The following MYOC variants were observed in gnomAD, a reference collection of about 807,000 sequenced individuals.
MYOC encodes juvenile-onset open-angle glaucoma 1.
In MYOC, 29 loss-of-function variants were observed where a neutral mutation model predicts 28.2. That is an observed-to-expected ratio of 1.03 (90% confidence interval 0.77 to 1.40). The LOEUF is 1.40. Ranked by LOEUF, MYOC falls within the 40% of genes most tolerant of loss-of-function variation. The probability of loss-of-function intolerance (pLI) is 0.00; values close to 1 mark genes in which losing one functional copy is unlikely to be tolerated. For synonymous variants in MYOC, 240 were observed against 245.6 expected, an observed-to-expected ratio of 0.98 and a Z score of 0.21; for missense variants, 569 against 620.6, an observed-to-expected ratio of 0.92 and a Z score of 0.88.
chr1:171,646,859 A>G (rs767598995), intron 1 of MYOC, among the ~76,000 whole-genome samples: 1 of 152,106 alleles, frequency 6.6e-6, no homozygotes, highest in Non-Finnish European at 1.5e-5. Flanking sequence ...GTTCATGTCT[A>G]TTACAAAATT....
At chr1:171,645,939 A>G (rs1653191025) in intron 1 of MYOC, among the ~76,000 whole-genome samples, 1 of 152,268 alleles carries the variant, frequency 6.6e-6, no homozygotes, top group African/African-American at 2.4e-5. Context: ...ATTAGCTGGA[A>G]TAAACATGAA....
At chr1:171,642,739 T>C (rs1653106862) in intron 1 of MYOC, among the ~76,000 whole-genome samples, 1 of 152,118 alleles carries the variant, frequency 6.6e-6, no homozygotes, top group African/African-American at 2.4e-5. Context: ...ATGGCAGGCC[T>C]TCATTATTCC....
At chr1:171,646,690 T>A (rs1227426789) in intron 1 of MYOC, among the ~76,000 whole-genome samples, 1 of 151,860 alleles carries the variant, frequency 6.6e-6, no homozygotes, top group Non-Finnish European at 1.5e-5. Context: ...AGAGACAGGG[T>A]TTTACCATAT....
At chr1:171,645,643 A>G (rs977762791) in intron 1 of MYOC, among the ~76,000 whole-genome samples, 1 of 152,202 alleles carries the variant, frequency 6.6e-6, no homozygotes, top group African/African-American at 2.4e-5. Flanking sequence ...CTGGACCCAG[A>G]TGGCTACTGG....
In MYOC at chr1:171,635,637, C is replaced by T. The variant is rs970961374; in HGVS notation, c.*288G>A. On this transcript the variant is annotated 3_prime_UTR_variant, in exon 3 of 3. Transcript: ENST00000037502. ...TGGTTTTCAGGAAGAAACTATTATG[C>T]CTTACAGCTTTTGCCCCAAATCACA... 5.9e-6 allele frequency: 3 copies of T among 507,600 alleles called. No individual in the cohort carries two copies. Among genetic ancestry groups the T allele is most frequent in the Non-Finnish European group, 7.1e-6 (2 of 279,966 alleles). The allele number at this position is 507,600 out of a possible 1,614,324, so 31.4% of individuals were successfully genotyped here.
At position 171,652,221 on chromosome 1, in the gene MYOC, G is replaced by T; in HGVS notation, c.391C>A (p.Leu131Met). 2 of 1,614,202 alleles carry T rather than the reference G, an allele frequency of 1.2e-6. No individual in the cohort carries two copies. Among genetic ancestry groups the T allele is most frequent in the Non-Finnish European group, 1.7e-6 (2 of 1,180,036 alleles). Residue 131 changes from leucine (L) to methionine (M), a missense_variant, in exon 1 of 3, where the codon CTG becomes ATG. Physicochemically the swap from Leu to Met is conservative, Grantham distance 15 (BLOSUM62 2). Coordinates refer to ENST00000037502, the MANE Select transcript of MYOC (RefSeq NM_000261.2). ...TCCAACTCTCTGGTTTGGGTTTCCAGCTGGTCCCGCTCCCGCCTCAGGGTG... is the reference window on the plus strand; with the variant it reads ...TCCAACTCTCTGGTTTGGGTTTCCATCTGGTCCCGCTCCCGCCTCAGGGTG... ...LGTLRRERDQ[L>M]ETQTRELETA...
chr1:171,638,663 CT>C lies in MYOC; in HGVS notation c.663del (p.Val222PhefsTer7). 1 of 1,614,202 alleles carries C rather than the reference CT, an allele frequency of 6.2e-7. No homozygotes were observed. Among genetic ancestry groups the C allele is most frequent in the Non-Finnish European group, 8.5e-7 (1 of 1,180,016 alleles). ...TCCTTCAAAATTCGGGAAGCAGGAA[CT>C]TCAGTTAGCTCGGACTTCAGTTCCT... Reference protein sequence around the residue: ...AFQELKSELTEVPASRILKES... With the variant: ...AFQELKSELTXVPASRILKES... On this transcript the variant is annotated frameshift_variant, in exon 2 of 3. Coordinates refer to ENST00000037502, the MANE Select transcript of MYOC (RefSeq NM_000261.2). LOFTEE classifies it high-confidence loss of function.
At chr1:171,638,182 TTAGTAACA>T (rs1652973188) in intron 2 of MYOC, among the ~76,000 whole-genome samples, 1 of 152,176 alleles carries the variant, frequency 6.6e-6, no homozygotes, top group Non-Finnish European at 1.5e-5. Flanking sequence ...AAACATACTG[TTAGTAACA>T]GATTGTGGCT....
intron 1 of MYOC, among the ~76,000 whole-genome samples, chr1:171,650,566 G>A (rs1316713601): frequency 6.6e-6 from 1 of 152,226 alleles, no homozygotes; most frequent in Non-Finnish European, 1.5e-5. Flanking sequence ...AAATGAAGAT[G>A]CAGAGGGTTC....
rs752488318 is a variant in MYOC, at chr1:171,636,488, G to A, written c.952C>T (p.Leu318=). The change falls in exon 3 of 3, where the codon CTG becomes TTG. Residue 318 remains leucine (L), a synonymous_variant. Coordinates refer to ENST00000037502, the MANE Select transcript of MYOC (RefSeq NM_000261.2). ...MQGYPSKVHI[L]PRPLESTGAV... ...CCCGTGCTTTCCAGTGGCCTAGGCA[G>A]TATGTGAACCTTAGAAGGGTAGCCC... The A allele has an allele frequency of 2.1e-5, 34 of 1,613,442 alleles. No individual in the cohort carries two copies. In the South Asian group the frequency reaches 2.6e-4, roughly 13 times the overall value.
At chr1:171,644,985 G>A (rs1480271020) in intron 1 of MYOC, among the ~76,000 whole-genome samples, 2 of 152,176 alleles carry the variant, frequency 1.3e-5, no homozygotes, top group Admixed American at 6.5e-5. Flanking sequence ...ATCCTGTGCT[G>A]AGGAGGTGTG....
Position 171,636,030 on chromosome 1 carries a change from G to A in MYOC, c.1410C>T (p.Arg470=). 2 of 1,614,198 alleles carry A rather than the reference G, an allele frequency of 1.2e-6. No homozygotes were observed. Among genetic ancestry groups the A allele is most frequent in the South Asian group, 2.2e-5 (2 of 91,082 alleles). ...SKTLTIPFKN[R]YKYSSMIDYN... ...AGTCAATCATGCTGCTGTACTTATA[G>A]CGGTTCTTGAATGGGATGGTCAGGG... Residue 470 remains arginine, a synonymous_variant, in exon 3 of 3, where the codon CGC becomes CGT. Transcript: ENST00000037502.
chr1:171,652,174 G>T lies in MYOC; in HGVS notation c.438C>A (p.Leu146=). The part of the protein sequence containing the change: ...RELETAYSNL[L]RDKSVLEEEK... ...CTTCCTCCAGAACTGACTTGTCTCG[G>T]AGGAGGTTGCTGTAGGCAGTCTCCA... is the stretch of plus-strand genomic sequence containing the variant. Residue 146 remains leucine (L), a synonymous_variant, in exon 1 of 3, where the codon CTC becomes CTA. Coordinates refer to ENST00000037502, the MANE Select transcript of MYOC (RefSeq NM_000261.2). 1 of 1,614,168 alleles carries T rather than the reference G, an allele frequency of 6.2e-7. No individual in the cohort carries two copies. Among genetic ancestry groups the T allele is most frequent in the Non-Finnish European group, 8.5e-7 (1 of 1,180,032 alleles).
Position 171,652,412 on chromosome 1 carries a change from G to C in MYOC, c.200C>G (p.Ala67Gly). The C allele has an allele frequency of 1.2e-6, 2 of 1,614,144 alleles. No homozygotes were observed. The highest frequency in any genetic ancestry group is 1.7e-6 in the Non-Finnish European group (2 of 1,179,990). Residue 67 changes from alanine (A) to glycine (G), a missense_variant, in exon 1 of 3, where the codon GCC (alanine) becomes GGC (glycine). Physicochemically the swap from Ala to Gly is moderately conservative, Grantham distance 60 (BLOSUM62 0). Coordinates refer to ENST00000037502, the MANE Select transcript of MYOC (RefSeq NM_000261.2). ...NESSCPEQSQ[A>G]MSVIHNLQRD... The stretch of plus-strand genomic sequence containing the variant: ...CTGTAAGTTATGGATGACTGACATG[G>C]CCTGGCTCTGCTCTGGGCAGCTGGA...
chr1:171,642,889 A>T (rs1653111723), intron 1 of MYOC, among the ~76,000 whole-genome samples: 1 of 127,902 alleles, frequency 7.8e-6, no homozygotes, highest in East Asian at 2.2e-4. Flanking sequence ...GTCTATGTTT[A>T]AAAAAAAAAA....
Position 171,643,886 on chromosome 1 carries a change from G to A in MYOC, c.605-5164C>T, listed in dbSNP as rs80125202. ...CTAGGGAGGCTAAGTCAGGAGAATC[G>A]TTTGAACCTGGGAGGCAAAGGTTGC... is the stretch of plus-strand genomic sequence containing the variant. On this transcript the variant is annotated intron_variant, in intron 1 of 2. Coordinates refer to ENST00000037502, the MANE Select transcript of MYOC (RefSeq NM_000261.2). Among the ~76,000 whole-genome samples, 402 of 146,318 alleles carry A rather than the reference G, an allele frequency of 2.7e-3. 1 individual carries two copies. The highest frequency in any genetic ancestry group is 9.6e-3 in the African/African-American group (380 of 39,444).
chr1:171,642,663 T>C (rs941478190), intron 1 of MYOC, among the ~76,000 whole-genome samples: 2 of 145,442 alleles, frequency 1.4e-5, no homozygotes, highest in African/African-American at 5.0e-5. Flanking sequence ...AAAATGTATA[T>C]GTAACTGAGG....
In MYOC at chr1:171,652,218, C is replaced by T; in HGVS notation, c.394G>A (p.Glu132Lys). ...GTCTCCAACTCTCTGGTTTGGGTTT[C>T]CAGCTGGTCCCGCTCCCGCCTCAGG... The part of the protein sequence containing the change: ...GTLRRERDQL[E>K]TQTRELETAY... Residue 132 changes from glutamate to lysine, a missense_variant, in exon 1 of 3, where the codon GAA becomes AAA. Physicochemically the swap from Glu to Lys is moderately conservative, Grantham distance 56. Coordinates refer to ENST00000037502, the MANE Select transcript of MYOC (RefSeq NM_000261.2). 1 of 1,614,200 alleles carries T rather than the reference C, an allele frequency of 6.2e-7. No homozygotes were observed. The highest frequency in any genetic ancestry group is 8.5e-7 in the Non-Finnish European group (1 of 1,180,034).
intron 1 of MYOC, among the ~76,000 whole-genome samples, chr1:171,643,968 CAAAAAAAAAAAA>C (rs145167337): frequency 2.2e-5 from 2 of 89,454 alleles, no homozygotes; most frequent in African/African-American, 4.7e-5. Flanking sequence ...GACTCTGTCT[CAAAAAAAAAAAA>C]AAAAAAAAAA....
Sources: allele counts gnomAD v4.1 joint callset (sites outside exome capture counted in the v4.1 genomes callset), GRCh38; gene constraint gnomAD v4.1.1; transcripts MANE v1.5; gene names NCBI Gene and HGNC (gene_info 2026-07-23, HGNC 2026-07-21).